ZNF723: variants seen among roughly 807,000 people sequenced by gnomAD.
ZNF723 encodes zinc finger protein 723, pseudogene.
Under a neutral mutation model 9.4 loss-of-function variants are expected in ZNF723, and 5 were observed. The ratio of observed to expected loss-of-function variants is 0.53; its 90% confidence interval spans 0.28 to 1.12. The LOEUF (loss-of-function observed/expected upper bound fraction) is 1.12. ZNF723 is among the 50% of genes most tolerant of loss of function. ZNF723 has a pLI of 0.10. For missense variants in ZNF723, 450 were observed against 501.5 expected, an observed-to-expected ratio of 0.90 and a Z score of 0.98; for synonymous variants, 158 against 168.8, an observed-to-expected ratio of 0.94 and a Z score of 0.49.
At chr19:22,824,197 G>C in the ZNF723 span, among the ~76,000 whole-genome samples, 3 of 152,180 alleles carry the variant, frequency 2.0e-5, no homozygotes, top group South Asian at 6.2e-4. Flanking sequence ...CTCTTGCCTG[G>C]GCCTTGCCCA....
At chr19:22,816,999 G>T in the ZNF723 span, among the ~76,000 whole-genome samples, 2 of 152,196 alleles carry the variant, frequency 1.3e-5, no homozygotes. Context: ...CACTGCTTGG[G>T]CTGTGCCCAA....
chr19:22,856,964 T>G (rs1967487884), intron 3 of ZNF723, among the ~76,000 whole-genome samples, 154 bp from the exon 4 acceptor site: 1 of 152,220 alleles, frequency 6.6e-6, no homozygotes, highest in African/African-American at 2.4e-5. Flanking sequence ...GGTCTGTATG[T>G]TTTTGTTACA....
intron 1 of ZNF723, among the ~76,000 whole-genome samples, chr19:22,835,224 C>T (rs1967152078): frequency 6.6e-6 from 1 of 151,704 alleles, no homozygotes; most frequent in Admixed American, 6.6e-5. Context: ...TATTTTTTAG[C>T]AGAGACGGGG....
chr19:22,816,869 T>A, the ZNF723 span, among the ~76,000 whole-genome samples: 2 of 152,226 alleles, frequency 1.3e-5, no homozygotes, highest in Non-Finnish European at 2.9e-5. Flanking sequence ...CTACACAAGA[T>A]AGTGTGACAT....
the ZNF723 span, among the ~76,000 whole-genome samples, chr19:22,820,877 T>G: frequency 6.6e-6 from 1 of 152,270 alleles, no homozygotes; most frequent in Non-Finnish European, 1.5e-5. Context: ...CTATGCACAC[T>G]CAGCCAACAG....
the ZNF723 span, among the ~76,000 whole-genome samples, chr19:22,816,131 T>C: frequency 2.0e-5 from 3 of 152,164 alleles, no homozygotes; most frequent in Non-Finnish European, 4.4e-5. Context: ...TCAGAGCATA[T>C]TGTGACTTTA....
the ZNF723 span, among the ~76,000 whole-genome samples, chr19:22,822,768 A>G: frequency 6.6e-6 from 1 of 152,182 alleles, no homozygotes; most frequent in African/African-American, 2.4e-5. Context: ...AGGCTGAGGC[A>G]GGAGAATTGC....
chr19:22,825,000 G>A, the ZNF723 span, among the ~76,000 whole-genome samples: 10 of 152,278 alleles, frequency 6.6e-5, no homozygotes, highest in Middle Eastern at 3.4e-3. Context: ...CCTTTGAGTG[G>A]TACATGGAAT....
chr19:22,857,852 G>A lies in ZNF723; in HGVS notation c.961G>A (p.Ala321Thr). Residue 321 changes from alanine to threonine, a missense_variant, in exon 4 of 4, where the codon GCC (alanine) becomes ACC (threonine). Coordinates refer to ENST00000600766, the MANE Select transcript of ZNF723 (RefSeq NM_001349726.2). ...CTACAAATGTGAAGAATGTGGCAAA[G>A]CCTTTAACCAGCCCTCACACCTTGC... Reference protein sequence around the residue: ...KPYKCEECGKAFNQPSHLATH... With the variant: ...KPYKCEECGKTFNQPSHLATH... 7.1e-7 allele frequency: 1 copy of A among 1,406,432 alleles called. No individual in the cohort carries two copies. The allele number at this position is 1,406,432 out of a possible 1,614,324, so 87.1% of individuals were successfully genotyped here.
upstream of ZNF723, among the ~76,000 whole-genome samples, chr19:22,831,682 G>A (rs1450506417): frequency 2.6e-5 from 4 of 152,210 alleles, no homozygotes; most frequent in Non-Finnish European, 5.9e-5. Flanking sequence ...AAGCCGAGGC[G>A]GGCGGATCAC....
the ZNF723 span, among the ~76,000 whole-genome samples, chr19:22,820,533 G>A: frequency 6.6e-6 from 1 of 152,110 alleles, no homozygotes; most frequent in South Asian, 2.1e-4. Context: ...CCACAGGTGG[G>A]ATTGTGACAT....
chr19:22,818,392 T>C, the ZNF723 span, among the ~76,000 whole-genome samples: 1 of 152,268 alleles, frequency 6.6e-6, no homozygotes, highest in South Asian at 2.1e-4. Flanking sequence ...AATTGAATAA[T>C]TGACTCTCAT....
chr19:22,851,056 G>C (rs34949383), intron 3 of ZNF723, among the ~76,000 whole-genome samples: 33,992 of 151,952 alleles, frequency 0.22, 4,757 homozygotes, highest in African/African-American at 0.4. Flanking sequence ...AGATTTAAGT[G>C]TTGTTTTTTC....
chr19:22,837,965 A>G (rs1406927528), intron 1 of ZNF723, among the ~76,000 whole-genome samples: 2 of 152,108 alleles, frequency 1.3e-5, no homozygotes, highest in Non-Finnish European at 2.9e-5. Flanking sequence ...ACCCAGAAAT[A>G]AGTAGCACAA....
intron 3 of ZNF723, among the ~76,000 whole-genome samples, chr19:22,852,226 A>G (rs1043175288): frequency 6.6e-6 from 1 of 152,152 alleles, no homozygotes; most frequent in Non-Finnish European, 1.5e-5. Context: ...ATAGTGTCCA[A>G]TAAGCTTTAC....
At chr19:22,828,667 A>G (rs1342083441), upstream of ZNF723, among the ~76,000 whole-genome samples, 1 of 152,014 alleles carries the variant, frequency 6.6e-6, no homozygotes, top group Non-Finnish European at 1.5e-5. Context: ...AACAAAACAA[A>G]ACAAAGTTAT....
At chr19:22,825,221 C>T in the ZNF723 span, among the ~76,000 whole-genome samples, 1 of 152,122 alleles carries the variant, frequency 6.6e-6, no homozygotes, top group Non-Finnish European at 1.5e-5. Flanking sequence ...ATTCAACATG[C>T]CGGTGAGCCT....
rs1967519013 is a variant in ZNF723 at position 22,858,557 on chromosome 19, C to G, written c.*124C>G. On this transcript the variant is annotated 3_prime_UTR_variant, in exon 4 of 4. Coordinates refer to ENST00000600766, the MANE Select transcript of ZNF723 (RefSeq NM_001349726.2). ...CCGAGGCGGGCAGATCACCTGAGGTCAGGAGTTCGAGACCAACCTAACATG... is the reference window on the plus strand; with the variant it reads ...CCGAGGCGGGCAGATCACCTGAGGTGAGGAGTTCGAGACCAACCTAACATG... The G allele has an allele frequency of 3.7e-6, 2 of 546,098 alleles. No individual in the cohort carries two copies. Among genetic ancestry groups the G allele is most frequent in the African/African-American group, 3.8e-5 (2 of 52,592 alleles). The allele number at this position is 546,098 out of a possible 1,614,324, so 33.8% of individuals were successfully genotyped here.
chr19:22,841,836 C>T (rs190569435), intron 1 of ZNF723, among the ~76,000 whole-genome samples: 2 of 152,192 alleles, frequency 1.3e-5, no homozygotes, highest in African/African-American at 4.8e-5. Context: ...CAAGTAACAC[C>T]TGCTGCAGAT....
Sources: gnomAD v4.1 joint callset for allele counts (sites outside exome capture counted in the v4.1 genomes callset) on GRCh38, gnomAD v4.1.1 for gene constraint, MANE v1.5 for transcripts, NCBI Gene and HGNC (gene_info 2026-07-23, HGNC 2026-07-21) for gene names.